Variants in MDGA2 observed in about 807,000 individuals in gnomAD.
MDGA2 encodes MAM domain-containing glycosylphosphatidylinositol anchor protein 2.
Under a neutral mutation model 117.8 loss-of-function variants are expected in MDGA2, and 40 were observed. The ratio of observed to expected loss-of-function variants is 0.34; its 90% confidence interval spans 0.26 to 0.44. MDGA2 has a LOEUF of 0.44. Ranked by LOEUF, MDGA2 falls within the 20% of genes least tolerant of loss-of-function variation. The pLI, the probability that MDGA2 is intolerant of heterozygous loss-of-function variation, is 1.00. For synonymous variants in MDGA2, 452 were observed against 439.0 expected, an observed-to-expected ratio of 1.03 and a Z score of -0.37; for missense variants, 1,123 against 1,250.6, an observed-to-expected ratio of 0.90 and a Z score of 1.54.
intron 1 of MDGA2, among the ~76,000 whole-genome samples, chr14:47,561,159 T>TTTTTTTTTG (rs1566515963): frequency 4.5e-5 from 3 of 66,516 alleles, no homozygotes; most frequent in African/African-American, 1.0e-4. Context: ...TTTTGTTTTG[T>TTTTTTTTTG]TTTGTTTTTT....
At chr14:47,609,611 G>T (rs1266249131) in intron 1 of MDGA2, among the ~76,000 whole-genome samples, 2 of 150,610 alleles carry the variant, frequency 1.3e-5, no homozygotes, top group East Asian at 4.0e-4. Flanking sequence ...CCCAGTAGTG[G>T]GATTGCTGGA....
At chr14:47,151,426 T>C (rs529322799) in intron 3 of MDGA2, among the ~76,000 whole-genome samples, 115 of 152,310 alleles carry the variant, frequency 7.6e-4, no homozygotes, top group Non-Finnish European at 1.4e-3. Context: ...AGTTTTATGA[T>C]AAGGACTTGA....
intron 1 of MDGA2, among the ~76,000 whole-genome samples, chr14:47,636,216 A>G (rs1369496023): frequency 6.6e-6 from 1 of 152,176 alleles, no homozygotes; most frequent in African/African-American, 2.4e-5. Flanking sequence ...TAAAACACAT[A>G]TATCTTCATA....
At chr14:47,666,909 G>A (rs939824965) in intron 1 of MDGA2, among the ~76,000 whole-genome samples, 16 of 151,892 alleles carry the variant, frequency 1.1e-4, no homozygotes, top group African/African-American at 3.4e-4. Context: ...CTTAAGAGCT[G>A]TTAACACTCA....
chr14:47,405,681 T>G (rs1368522743), intron 1 of MDGA2, among the ~76,000 whole-genome samples: 1 of 152,206 alleles, frequency 6.6e-6, no homozygotes, highest in Admixed American at 6.5e-5. Flanking sequence ...CAGTTTCTAT[T>G]TTCAGAATCT....
At chr14:46,881,935 T>C in intron 11 of MDGA2, 109 bp downstream of exon 11, 1 of 623,606 alleles carries the variant, frequency 1.6e-6, no homozygotes, top group Admixed American at 3.7e-5. Flanking sequence ...ATCCAGAAAG[T>C]CAATATGCTA....
chr14:47,396,929 C>T (rs750784171), intron 1 of MDGA2, among the ~76,000 whole-genome samples: 2 of 152,164 alleles, frequency 1.3e-5, no homozygotes, highest in African/African-American at 4.8e-5. Context: ...TGTGGCGATT[C>T]CTCAAGGATC....
intron 1 of MDGA2, among the ~76,000 whole-genome samples, chr14:47,594,177 G>C (rs979293268): frequency 6.6e-6 from 1 of 152,110 alleles, no homozygotes; most frequent in Non-Finnish European, 1.5e-5. Context: ...CTAAATTAAG[G>C]CTTGCTCCCT....
intron 1 of MDGA2, among the ~76,000 whole-genome samples, chr14:47,629,633 A>G (rs1897217233): frequency 1.3e-5 from 2 of 152,364 alleles, no homozygotes; most frequent in South Asian, 2.1e-4. Flanking sequence ...TGTTATTAAA[A>G]TAAAGGAATT....
At chr14:47,236,663 A>G (rs1281410543) in intron 2 of MDGA2, among the ~76,000 whole-genome samples, 2 of 152,232 alleles carry the variant, frequency 1.3e-5, no homozygotes, top group Non-Finnish European at 2.9e-5. Context: ...GAACCATTTC[A>G]GTGCCTTCTG....
chr14:46,955,541 C>T (rs1055475429), intron 9 of MDGA2, among the ~76,000 whole-genome samples: 7 of 152,042 alleles, frequency 4.6e-5, no homozygotes, highest in Admixed American at 3.9e-4. Flanking sequence ...TTTTTCCTAG[C>T]AGGAAACTAT....
intron 11 of MDGA2, among the ~76,000 whole-genome samples, chr14:46,880,408 T>C (rs1210265392): frequency 6.6e-6 from 1 of 152,006 alleles, no homozygotes; most frequent in Non-Finnish European, 1.5e-5. Context: ...CATTCAAACC[T>C]GAAATACATT....
chr14:47,370,003 T>TA (rs1206751341), intron 1 of MDGA2, among the ~76,000 whole-genome samples: 1 of 152,048 alleles, frequency 6.6e-6, no homozygotes, highest in Non-Finnish European at 1.5e-5. Flanking sequence ...GCCATCTTTT[T>TA]AAAAAATAAA....
intron 6 of MDGA2, among the ~76,000 whole-genome samples, chr14:47,094,563 A>G (rs961336564): frequency 2.0e-5 from 3 of 152,032 alleles, no homozygotes; most frequent in Non-Finnish European, 4.4e-5. Flanking sequence ...ATTAAATTCA[A>G]TGCATCATTT....
intron 3 of MDGA2, among the ~76,000 whole-genome samples, chr14:47,151,331 C>T (rs1883155481): frequency 6.6e-6 from 1 of 152,152 alleles, no homozygotes; most frequent in South Asian, 2.1e-4. Flanking sequence ...GTGGCTCTTG[C>T]CAGCTGAGGA....
At chr14:47,380,469 A>G (rs533385812) in intron 1 of MDGA2, among the ~76,000 whole-genome samples, 1 of 119,686 alleles carries the variant, frequency 8.4e-6, no homozygotes, top group African/African-American at 3.1e-5. Context: ...TTGACAGATC[A>G]CTAGCAAAAC....
In MDGA2 at chr14:47,239,073, A is replaced by G. The variant is rs935617280; in HGVS notation, c.421-20878T>C. ...TTAGTTGTTCTCAGATAACTATCAAACGTAAATTATCTTCCACAAATTTGA... is the reference window on the plus strand; with the variant it reads ...TTAGTTGTTCTCAGATAACTATCAAGCGTAAATTATCTTCCACAAATTTGA... On this transcript the variant is annotated intron_variant, in intron 2 of 16. Coordinates refer to ENST00000399232, the MANE Select transcript of MDGA2 (RefSeq NM_001113498.3). Among the ~76,000 whole-genome samples, 3 of 151,630 alleles carry G rather than the reference A, an allele frequency of 2.0e-5. 1 individual carries two copies. Among genetic ancestry groups the G allele is most frequent in the Non-Finnish European group, 4.4e-5 (3 of 67,746 alleles).
chr14:47,146,027 T>TTG (rs1882929796), intron 3 of MDGA2, among the ~76,000 whole-genome samples: 1 of 152,122 alleles, frequency 6.6e-6, no homozygotes, highest in East Asian at 1.9e-4. Context: ...ACCTACAGTA[T>TTG]TTATATGGAC....
chr14:47,122,687 T>C (rs1020715190), intron 5 of MDGA2, among the ~76,000 whole-genome samples: 13 of 152,064 alleles, frequency 8.5e-5, no homozygotes, highest in Non-Finnish European at 1.0e-4. Flanking sequence ...AGCTCAAAAA[T>C]CATCAAGAAA....
Sources: gnomAD v4.1 joint callset for allele counts (sites outside exome capture counted in the v4.1 genomes callset) on GRCh38, gnomAD v4.1.1 for gene constraint, MANE v1.5 for transcripts, NCBI Gene and HGNC (gene_info 2026-07-23, HGNC 2026-07-21) for gene names.